TTC28: variants seen among roughly 807,000 people sequenced by gnomAD.
TTC28 encodes the protein tetratricopeptide repeat protein 28.
A neutral mutation model predicts 198.0 loss-of-function variants in TTC28; 61 were observed. The observed-to-expected ratio is 0.31, with a 90% CI of 0.25 to 0.38. The LOEUF (loss-of-function observed/expected upper bound fraction) is 0.38. TTC28 is among the 10% of genes least tolerant of loss of function. The pLI is 1.00. For synonymous variants in TTC28, 1,171 were observed against 1,297.8 expected (o/e 0.90, Z 2.10); for missense variants, 2,678 against 3,164.0 (o/e 0.85, Z 3.69).
At chr22:28,672,876 G>A (rs533286301) in intron 1 of TTC28, among the ~76,000 whole-genome samples, 13 of 152,318 alleles carry the variant, frequency 8.5e-5, no homozygotes, top group African/African-American at 3.1e-4. Flanking sequence ...AGGCAAGGAC[G>A]TGAAGAACAT....
intron 2 of TTC28, among the ~76,000 whole-genome samples, chr22:28,548,929 T>C (rs904241822): frequency 3.3e-5 from 5 of 152,220 alleles, no homozygotes. Flanking sequence ...ACTTTACCAC[T>C]ACAGTAAGTT....
intron 5 of TTC28, among the ~76,000 whole-genome samples, chr22:28,288,145 C>T (rs2044719365): frequency 6.6e-6 from 1 of 152,120 alleles, no homozygotes; most frequent in African/African-American, 2.4e-5. Context: ...CCCCATCAAG[C>T]ACTTTATATG....
intron 6 of TTC28, among the ~76,000 whole-genome samples, chr22:28,120,079 TAAAA>T (rs1428766544): frequency 6.6e-6 from 1 of 151,992 alleles, no homozygotes; most frequent in East Asian, 1.9e-4. Context: ...TTCCTAATAA[TAAAA>T]AACAGTAGTA....
intron 12 of TTC28, among the ~76,000 whole-genome samples, chr22:28,087,762 C>T (rs1206505243): frequency 6.6e-6 from 1 of 152,036 alleles, no homozygotes; most frequent in East Asian, 1.9e-4. Flanking sequence ...TCTAGAAAAC[C>T]CCACTGTCTC....
In TTC28 at chr22:28,031,601, G is replaced by A. The variant is rs538461288; in HGVS notation, c.3933-1235C>T. On this transcript the variant is annotated intron_variant, in intron 12 of 22. Coordinates refer to ENST00000397906, the MANE Select transcript of TTC28 (RefSeq NM_001145418.2). ...ACCCACTTCAAATGGCCAAGCTGGC[G>A]ACACCTGTGACAGAGAAGGGAAATA... Among the ~76,000 whole-genome samples, 4 of 152,244 alleles carry A rather than the reference G, an allele frequency of 2.6e-5. No homozygotes were observed. In the South Asian group the frequency reaches 6.2e-4, roughly 24 times the overall value.
At chr22:28,073,927 T>C (rs1314134200) in intron 12 of TTC28, among the ~76,000 whole-genome samples, 5 of 152,202 alleles carry the variant, frequency 3.3e-5, no homozygotes, top group Non-Finnish European at 4.4e-5. Flanking sequence ...TAAATGTCTC[T>C]GAAACTCTGG....
chr22:28,593,524 GATCGATCAATCA>G (rs1601603001), intron 2 of TTC28, among the ~76,000 whole-genome samples: 1 of 151,952 alleles, frequency 6.6e-6, no homozygotes, highest in East Asian at 1.9e-4. Flanking sequence ...TAAGTAGGTG[GATCGATCAATCA>G]ATCGATAGAT....
rs184405451 is a variant in TTC28 at position 28,645,263 on chromosome 22, C to A, written c.103-15433G>T. ...ATAACCAAAAAAGAAAACTACAAACCAATATCCCTGACGAACACAGATGCA... is the reference window on the plus strand; with the variant it reads ...ATAACCAAAAAAGAAAACTACAAACAAATATCCCTGACGAACACAGATGCA... On this transcript the variant is annotated intron_variant, in intron 1 of 22. Transcript: ENST00000397906. Among the ~76,000 whole-genome samples, 96 of 152,142 alleles carry A rather than the reference C, an allele frequency of 6.3e-4. 1 individual carries two copies. The highest frequency in any genetic ancestry group is 1.0e-3 in the Non-Finnish European group (69 of 67,982).
chr22:28,316,758 G>T (rs1186094461), intron 2 of TTC28, among the ~76,000 whole-genome samples: 1 of 151,992 alleles, frequency 6.6e-6, no homozygotes, highest in East Asian at 1.9e-4. Context: ...AAATATGATT[G>T]AATTTTGCAT....
At chr22:28,380,444 A>T (rs79073705) in intron 2 of TTC28, among the ~76,000 whole-genome samples, 49 of 152,304 alleles carry the variant, frequency 3.2e-4, no homozygotes, top group African/African-American at 1.1e-3. Flanking sequence ...TCCCAAAATA[A>T]TCCAACAAAT....
Position 28,030,348 on chromosome 22 carries a change from C to G in TTC28, c.3951G>C (p.Glu1317Asp). The G allele has an allele frequency of 6.4e-7, 1 of 1,551,906 alleles. No individual in the cohort carries two copies. The highest frequency in any genetic ancestry group is 8.7e-7 in the Non-Finnish European group (1 of 1,147,040). The part of the protein sequence containing the change: ...SHYSRACASS[E>D]TESEAGDIMD... ...TGATGTCTCCCGCTTCACTCTCTGT[C>G]TCACTGCTGGCACAGGCCCTGCAGG... Residue 1317 changes from glutamate to aspartate, a missense_variant, in exon 13 of 23, where the codon GAG becomes GAC. Physicochemically the swap from Glu to Asp is conservative, Grantham distance 45. Coordinates refer to ENST00000397906, the MANE Select transcript of TTC28 (RefSeq NM_001145418.2).
At chr22:28,120,769 A>G (rs1359161665) in intron 6 of TTC28, among the ~76,000 whole-genome samples, 1 of 152,248 alleles carries the variant, frequency 6.6e-6, no homozygotes, top group Non-Finnish European at 1.5e-5. Context: ...AATTGCAAAG[A>G]CAGATGGATG....
intron 2 of TTC28, among the ~76,000 whole-genome samples, chr22:28,608,118 G>C (rs1188327709): frequency 3.3e-5 from 5 of 152,168 alleles, no homozygotes; most frequent in Non-Finnish European, 1.5e-5. Context: ...TTCTTCAAAA[G>C]AAACAGCTGA....
chr22:28,601,916 C>T (rs751054771), intron 2 of TTC28, among the ~76,000 whole-genome samples: 2 of 151,278 alleles, frequency 1.3e-5, no homozygotes, highest in African/African-American at 2.4e-5. Context: ...TATATTCTGC[C>T]TTATTCCTAT....
At position 28,021,088 on chromosome 22, in the gene TTC28, G is replaced by A. The variant is rs144138092; in HGVS notation, c.4074-6696C>T. Among the ~76,000 whole-genome samples, 22 of 152,320 alleles carry A rather than the reference G, an allele frequency of 1.4e-4. No homozygotes were observed. The Middle Eastern group carries it at 0.01, about 71-fold the overall frequency. On this transcript the variant is annotated intron_variant, in intron 13 of 22. Coordinates refer to ENST00000397906, the MANE Select transcript of TTC28 (RefSeq NM_001145418.2). The stretch of plus-strand genomic sequence containing the variant: ...AGCACTGCCTCCTTGGCAGAGAAGC[G>A]TCTACGTGGGGTCAGCAGATGAAGA...
chr22:28,436,165 T>G (rs1379445605), intron 2 of TTC28, among the ~76,000 whole-genome samples: 1 of 152,202 alleles, frequency 6.6e-6, no homozygotes, highest in African/African-American at 2.4e-5. Flanking sequence ...TATTCAATAT[T>G]GCATTTCTGA....
chr22:28,637,297 C>G (rs1329403439), intron 1 of TTC28, among the ~76,000 whole-genome samples: 1 of 152,200 alleles, frequency 6.6e-6, no homozygotes, highest in African/African-American at 2.4e-5. Flanking sequence ...TAGGCGTGAG[C>G]CACCGCGCCC....
intron 2 of TTC28, among the ~76,000 whole-genome samples, chr22:28,308,030 G>C (rs1176585376): frequency 6.6e-6 from 1 of 152,092 alleles, no homozygotes; most frequent in Non-Finnish European, 1.5e-5. Flanking sequence ...ACACCATTCA[G>C]TGTTTCTATT....
intron 5 of TTC28, among the ~76,000 whole-genome samples, chr22:28,163,842 G>A (rs1011458554): frequency 1.3e-5 from 2 of 152,194 alleles, no homozygotes; most frequent in South Asian, 2.1e-4. Flanking sequence ...GAAGCACGGC[G>A]AGGCATTGCC....
Sources: gnomAD v4.1 joint callset for allele counts (sites outside exome capture counted in the v4.1 genomes callset) on GRCh38, gnomAD v4.1.1 for gene constraint, MANE v1.5 for transcripts, NCBI Gene and HGNC (gene_info 2026-07-23, HGNC 2026-07-21) for gene names.